UNC13C: variants seen among roughly 807,000 people sequenced by gnomAD.
The protein encoded by UNC13C is protein unc-13 homolog C.
In UNC13C, 174 loss-of-function variants were observed where a neutral mutation model predicts 245.4. The observed-to-expected ratio is 0.71, with a 90% CI of 0.63 to 0.80. UNC13C has a LOEUF of 0.80. UNC13C is among the 30% of genes least tolerant of loss of function. UNC13C has a pLI of 0.00. For synonymous variants in UNC13C, 992 were observed against 895.1 expected (o/e 1.11, Z -1.93); for missense variants, 2,829 against 2,602.9 (o/e 1.09, Z -1.89).
At chr15:53,922,305 A>G in the UNC13C span, among the ~76,000 whole-genome samples, 1 of 152,236 alleles carries the variant, frequency 6.6e-6, no homozygotes, top group Non-Finnish European at 1.5e-5. Flanking sequence ...GCATATATGA[A>G]AAAGGTTCCC....
At chr15:53,965,253 A>G in the UNC13C span, among the ~76,000 whole-genome samples, 8 of 152,124 alleles carry the variant, frequency 5.3e-5, no homozygotes, top group Non-Finnish European at 1.0e-4. Context: ...TTATCAACCC[A>G]TGACCCTTCA....
intron 4 of UNC13C, among the ~76,000 whole-genome samples, chr15:54,145,705 C>T (rs1410275938): frequency 2.0e-5 from 3 of 152,160 alleles, no homozygotes; most frequent in Non-Finnish European, 4.4e-5. Context: ...GTTGGGACAT[C>T]GTGTCATGCA....
At position 54,298,792 on chromosome 15, in the gene UNC13C, A is replaced by G. The variant is rs147732011; in HGVS notation, c.4104+866A>G. Among the ~76,000 whole-genome samples the G allele has an allele frequency of 8.8e-3, 1,334 of 152,296 alleles. 24 individuals carry two copies. The highest frequency in any genetic ancestry group is 0.031 in the African/African-American group (1,295 of 41,562). On this transcript the variant is annotated intron_variant, in intron 12 of 32. Coordinates refer to ENST00000260323, the MANE Select transcript of UNC13C (RefSeq NM_001080534.3). Reference sequence around the variant, plus strand: ...CTTGTCTCATATCAAAAAATAGGTGAAGCTGAGGAATGTACTCTTCTTCAT... The same window carrying G: ...CTTGTCTCATATCAAAAAATAGGTGGAGCTGAGGAATGTACTCTTCTTCAT...
intron 17 of UNC13C, among the ~76,000 whole-genome samples, chr15:54,351,970 A>G (rs2038993222): frequency 2.6e-5 from 4 of 151,972 alleles, no homozygotes; most frequent in African/African-American, 9.7e-5. Flanking sequence ...CACTTAGGGA[A>G]GCATCTAGTG....
chr15:54,041,381 T>G (rs909985376), intron 2 of UNC13C, among the ~76,000 whole-genome samples: 1 of 152,204 alleles, frequency 6.6e-6, no homozygotes, highest in East Asian at 1.9e-4. Flanking sequence ...TATATAAATC[T>G]GTTTCATTTT....
At chr15:54,393,303 T>C in intron 18 of UNC13C, 122 bp downstream of exon 18, 2 of 902,172 alleles carry the variant, frequency 2.2e-6, no homozygotes, top group Non-Finnish European at 3.0e-6. Flanking sequence ...CTATAGAAAA[T>C]AGTATTTTTC....
intron 19 of UNC13C, among the ~76,000 whole-genome samples, chr15:54,417,598 C>A (rs1490073671): frequency 6.6e-6 from 1 of 152,042 alleles, no homozygotes; most frequent in Admixed American, 6.6e-5. Flanking sequence ...AACTATGATT[C>A]AGCATACTTC....
intron 24 of UNC13C, among the ~76,000 whole-genome samples, chr15:54,524,360 T>A (rs58756936): frequency 6.6e-6 from 1 of 152,070 alleles, no homozygotes; most frequent in African/African-American, 2.4e-5. Context: ...TCCAGAAAAA[T>A]CACATTGCCT....
At chr15:53,845,570 G>A in the UNC13C span, among the ~76,000 whole-genome samples, 1 of 152,144 alleles carries the variant, frequency 6.6e-6, no homozygotes, top group African/African-American at 2.4e-5. Flanking sequence ...GATCATTCAT[G>A]AAATTTATTG....
intron 7 of UNC13C, among the ~76,000 whole-genome samples, chr15:54,239,911 G>A (rs114379080): frequency 0.02 from 3,083 of 152,288 alleles, 106 homozygotes; most frequent in African/African-American, 0.071. Context: ...AATAAAGTCT[G>A]AAGAATTTTA....
intron 2 of UNC13C, among the ~76,000 whole-genome samples, chr15:54,122,715 G>A (rs956987238): frequency 6.6e-6 from 1 of 151,964 alleles, no homozygotes; most frequent in African/African-American, 2.4e-5. Context: ...TTCAAATAAT[G>A]GAATAATGCA....
chr15:54,073,412 G>A (rs1405190564), intron 2 of UNC13C, among the ~76,000 whole-genome samples: 1 of 152,134 alleles, frequency 6.6e-6, no homozygotes, highest in East Asian at 1.9e-4. Flanking sequence ...TGGGATTGCT[G>A]GGTCCAATGG....
At chr15:54,127,515 T>C (rs1017869708) in intron 2 of UNC13C, among the ~76,000 whole-genome samples, 3 of 151,764 alleles carry the variant, frequency 2.0e-5, no homozygotes, top group East Asian at 1.9e-4. Flanking sequence ...TGAGAACACA[T>C]GGACACAGAG....
At chr15:54,017,315 G>T (rs1157529101) in intron 2 of UNC13C, among the ~76,000 whole-genome samples, 1 of 152,088 alleles carries the variant, frequency 6.6e-6, no homozygotes, top group Non-Finnish European at 1.5e-5. Flanking sequence ...AATGCATATG[G>T]TAATAATATC....
At chr15:53,957,588 G>A in the UNC13C span, among the ~76,000 whole-genome samples, 4 of 150,948 alleles carry the variant, frequency 2.6e-5, no homozygotes, top group African/African-American at 9.9e-5. Flanking sequence ...TATATATATA[G>A]TAGTACAGTA....
intron 1 of UNC13C, among the ~76,000 whole-genome samples, chr15:54,010,382 C>T (rs1274702132): frequency 2.3e-4 from 35 of 152,056 alleles, no homozygotes; most frequent in Admixed American, 2.3e-3. Flanking sequence ...GGAGGAAGTG[C>T]TGTATGCTGA....
At chr15:54,439,990 G>T (rs556468338) in intron 19 of UNC13C, among the ~76,000 whole-genome samples, 3 of 151,844 alleles carry the variant, frequency 2.0e-5, no homozygotes, top group South Asian at 4.2e-4. Flanking sequence ...TCATGGTTTG[G>T]CTGTGTCCTC....
chr15:54,315,953 C>T (rs933832935), intron 13 of UNC13C, among the ~76,000 whole-genome samples: 15 of 151,838 alleles, frequency 9.9e-5, no homozygotes, highest in South Asian at 4.1e-4. Context: ...AGACATCCAT[C>T]GTCTCTTCTC....
At chr15:54,088,579 G>A (rs1899382194) in intron 2 of UNC13C, among the ~76,000 whole-genome samples, 1 of 152,148 alleles carries the variant, frequency 6.6e-6, no homozygotes, top group Non-Finnish European at 1.5e-5. Context: ...GTTGATTACA[G>A]ACAGGTTTAT....
Sources: gnomAD v4.1 joint callset for allele counts (sites outside exome capture counted in the v4.1 genomes callset) on GRCh38, gnomAD v4.1.1 for gene constraint, MANE v1.5 for transcripts, NCBI Gene and HGNC (gene_info 2026-07-23, HGNC 2026-07-21) for gene names.